The following GLG1 variants were observed in gnomAD, a reference collection of about 807,000 sequenced individuals.
GLG1 encodes Golgi apparatus protein 1.
Under a neutral mutation model 160.5 loss-of-function variants are expected in GLG1, and 38 were observed. The observed-to-expected ratio is 0.24, with a 90% CI of 0.18 to 0.31. The LOEUF is 0.31. Among genes scored for constraint, GLG1 ranks in the 10% least tolerant of loss-of-function variants. GLG1 has a pLI of 1.00. For synonymous variants in GLG1, 644 were observed against 543.4 expected, an observed-to-expected ratio of 1.19 and a Z score of -2.57; for missense variants, 1,373 against 1,505.2, an observed-to-expected ratio of 0.91 and a Z score of 1.45.
intron 1 of GLG1, chr16:74,552,206 T>C (rs983010264): frequency 2.7e-5 from 13 of 476,042 alleles, no homozygotes; most frequent in Admixed American, 2.7e-4. Flanking sequence ...CTCTGTTAAG[T>C]TGCAGGTCTC....
In GLG1 at chr16:74,452,620, G is replaced by A. The variant is rs777571213; in HGVS notation, c.*547C>T. The A allele has an allele frequency of 3.7e-5, 37 of 999,560 alleles. No homozygotes were observed. Among genetic ancestry groups the A allele is most frequent in the South Asian group, 8.8e-5 (2 of 22,692 alleles). The allele number at this position is 999,560 out of a possible 1,614,324, so 61.9% of individuals were successfully genotyped here. On this transcript the variant is annotated 3_prime_UTR_variant, in exon 26 of 26. Coordinates refer to ENST00000422840, the MANE Select transcript of GLG1 (RefSeq NM_001145667.2). ...CCACCCACGCCTCGGTGAAGACCAC[G>A]GCCCTGGCGAGGCCCCAAGGTGCTT...
intron 1 of GLG1, among the ~76,000 whole-genome samples, chr16:74,582,498 C>A (rs1957960704): frequency 6.6e-6 from 1 of 152,084 alleles, no homozygotes; most frequent in Non-Finnish European, 1.5e-5. Context: ...ATAGTCTCAC[C>A]TTCTCTTCAC....
At chr16:74,528,289 C>T (rs867754882) in intron 2 of GLG1, among the ~76,000 whole-genome samples, 38 of 152,094 alleles carry the variant, frequency 2.5e-4, no homozygotes, top group Non-Finnish European at 3.7e-4. Flanking sequence ...GGGTGAGCCA[C>T]GGTGCCTGGC....
chr16:74,473,601 G>C (rs566418377), intron 13 of GLG1, among the ~76,000 whole-genome samples: 1 of 151,086 alleles, frequency 6.6e-6, no homozygotes, highest in Admixed American at 6.6e-5. Flanking sequence ...CACCACACCT[G>C]ACTAATTTTT....
intron 2 of GLG1, among the ~76,000 whole-genome samples, chr16:74,526,958 T>C (rs1338859169): frequency 6.6e-6 from 1 of 152,184 alleles, no homozygotes; most frequent in African/African-American, 2.4e-5. Context: ...CAGGGCATAA[T>C]CTGTGTTTTG....
rs184678722 is a variant in GLG1 at position 74,506,268 on chromosome 16, G to C, written c.559-2522C>G. Among the ~76,000 whole-genome samples, 5 of 151,726 alleles carry C rather than the reference G, an allele frequency of 3.3e-5. No homozygotes were observed. The East Asian group carries it at 9.7e-4, about 29-fold the overall frequency. ...ACATTTTTCCAGGCCCTAATATTGA[G>C]CAACCAAAAGTTTTAAAACATCTCA... is the stretch of plus-strand genomic sequence containing the variant. On this transcript the variant is annotated intron_variant, in intron 3 of 25. Coordinates refer to ENST00000422840, the MANE Select transcript of GLG1 (RefSeq NM_001145667.2).
intron 1 of GLG1, among the ~76,000 whole-genome samples, chr16:74,572,262 G>C (rs1193800756): frequency 6.6e-6 from 1 of 152,144 alleles, no homozygotes; most frequent in Non-Finnish European, 1.5e-5. Flanking sequence ...TGTAATCCCA[G>C]CACTTGGGGA....
intron 8 of GLG1, among the ~76,000 whole-genome samples, chr16:74,487,456 T>C (rs2015833346): frequency 6.6e-6 from 1 of 152,040 alleles, no homozygotes; most frequent in South Asian, 2.1e-4. Flanking sequence ...AAACTTCTAT[T>C]ATCCTGAAAG....
intron 6 of GLG1, among the ~76,000 whole-genome samples, chr16:74,493,954 C>T (rs4888247): frequency 0.09 from 13,623 of 151,770 alleles, 1,005 homozygotes; most frequent in South Asian, 0.35. Flanking sequence ...GCGGGTGGAT[C>T]ACCTGAGGTC....
At chr16:74,579,830 G>A (rs567218170) in intron 1 of GLG1, among the ~76,000 whole-genome samples, 32 of 151,086 alleles carry the variant, frequency 2.1e-4, no homozygotes, top group Middle Eastern at 3.6e-3. Flanking sequence ...TTTGGGAGGC[G>A]AAGGCAGGTG....
chr16:74,465,641 T>A, intron 19 of GLG1, 35 bp downstream of exon 19: 2 of 1,604,474 alleles, frequency 1.2e-6, no homozygotes, highest in Non-Finnish European at 1.7e-6. Context: ...GTTTTGTTGT[T>A]CATCCGTGCT....
intron 2 of GLG1, among the ~76,000 whole-genome samples, chr16:74,525,094 A>G (rs2017293277): frequency 6.6e-6 from 1 of 152,212 alleles, no homozygotes; most frequent in Non-Finnish European, 1.5e-5. Context: ...TTTTACTAAT[A>G]ATGCTGCTAT....
At chr16:74,566,493 A>T (rs2018657713) in intron 1 of GLG1, among the ~76,000 whole-genome samples, 1 of 152,154 alleles carries the variant, frequency 6.6e-6, no homozygotes, top group African/African-American at 2.4e-5. Flanking sequence ...TTAATCCTTT[A>T]AAGAGCTCTC....
At chr16:74,531,136 T>C (rs2017518494) in intron 2 of GLG1, among the ~76,000 whole-genome samples, 1 of 152,152 alleles carries the variant, frequency 6.6e-6, no homozygotes, top group Non-Finnish European at 1.5e-5. Flanking sequence ...TCTTCTAGTA[T>C]TCTTCTAGTT....
chr16:74,562,908 G>C (rs1488540577), intron 1 of GLG1, among the ~76,000 whole-genome samples: 2 of 152,122 alleles, frequency 1.3e-5, no homozygotes, highest in Non-Finnish European at 2.9e-5. Context: ...CAAAACTCTG[G>C]GGCCTCAAAC....
intron 1 of GLG1, among the ~76,000 whole-genome samples, chr16:74,567,984 T>C (rs901774655): frequency 2.0e-5 from 3 of 152,304 alleles, no homozygotes; most frequent in Admixed American, 1.3e-4. Flanking sequence ...CTGACACAGA[T>C]AGAGCAAATG....
intron 2 of GLG1, among the ~76,000 whole-genome samples, chr16:74,513,602 A>G (rs1476371691): frequency 6.6e-6 from 1 of 152,190 alleles, no homozygotes; most frequent in Admixed American, 6.5e-5. Flanking sequence ...TAGCATCAAC[A>G]TCAACATCAA....
chr16:74,544,498 T>G (rs1295874736), intron 1 of GLG1, among the ~76,000 whole-genome samples: 1 of 151,916 alleles, frequency 6.6e-6, no homozygotes, highest in Non-Finnish European at 1.5e-5. Flanking sequence ...TTTTGTTTTT[T>G]GTTGTTGTTT....
intron 1 of GLG1, among the ~76,000 whole-genome samples, chr16:74,571,877 A>G (rs930802650): frequency 6.6e-6 from 1 of 152,192 alleles, no homozygotes; most frequent in Non-Finnish European, 1.5e-5. Flanking sequence ...ATAAAATGCA[A>G]AAGAAGTTTG....
Sources: gnomAD v4.1 joint callset for allele counts (sites outside exome capture counted in the v4.1 genomes callset) on GRCh38, gnomAD v4.1.1 for gene constraint, MANE v1.5 for transcripts, NCBI Gene and HGNC (gene_info 2026-07-23, HGNC 2026-07-21) for gene names.